The following ATOSA variants were observed in gnomAD, a reference collection of about 807,000 sequenced individuals.
The protein encoded by ATOSA is atos homolog A.
chr15:52,621,121 A>C, the ATOSA span, among the ~76,000 whole-genome samples: 1 of 152,208 alleles, frequency 6.6e-6, no homozygotes, highest in African/African-American at 2.4e-5. Context: ...GCATCAACCT[A>C]AATATTCAAC....
At chr15:52,633,106 G>A in the ATOSA span, among the ~76,000 whole-genome samples, 1 of 152,140 alleles carries the variant, frequency 6.6e-6, no homozygotes, top group Non-Finnish European at 1.5e-5. Flanking sequence ...GAGAAGGGAA[G>A]CTTTTCTCTT....
the ATOSA span, among the ~76,000 whole-genome samples, chr15:52,687,377 C>T: frequency 2.0e-5 from 3 of 152,220 alleles, no homozygotes; most frequent in Non-Finnish European, 4.4e-5. Context: ...TGCACTCCAG[C>T]CTGGGCGACA....
At chr15:52,611,212 C>G in the ATOSA span, 1 of 1,613,648 alleles carries the variant, frequency 6.2e-7, no homozygotes, top group Non-Finnish European at 8.5e-7. Context: ...AATGAGCGGA[C>G]AGCCAACAGA....
the ATOSA span, among the ~76,000 whole-genome samples, chr15:52,662,452 C>T: frequency 6.6e-6 from 1 of 152,102 alleles, no homozygotes; most frequent in Non-Finnish European, 1.5e-5. Flanking sequence ...CAGCTTACTA[C>T]TCTGACAAAA....
the ATOSA span, among the ~76,000 whole-genome samples, chr15:52,679,717 A>G: frequency 0.99 from 148,205 of 150,170 alleles, 73,150 homozygotes; most frequent in Middle Eastern, 1. Context: ...TGTCATCCAA[A>G]GGCCTGCCCC....
At chr15:52,672,731 A>C in the ATOSA span, among the ~76,000 whole-genome samples, 3 of 152,048 alleles carry the variant, frequency 2.0e-5, no homozygotes, top group Non-Finnish European at 4.4e-5. Context: ...TTTTTAAGTC[A>C]CTCTCCTTAT....
chr15:52,636,887 G>A, the ATOSA span, among the ~76,000 whole-genome samples: 1,756 of 152,252 alleles, frequency 0.012, 30 homozygotes, highest in African/African-American at 0.04. Flanking sequence ...GGGGTTTCCA[G>A]AAGTTTTACA....
chr15:52,687,519 C>A, the ATOSA span, among the ~76,000 whole-genome samples: 1 of 152,154 alleles, frequency 6.6e-6, no homozygotes. Context: ...AGGAGAGGGG[C>A]CTGCTAAGGA....
the ATOSA span, chr15:52,609,620 G>T: frequency 6.2e-7 from 1 of 1,612,764 alleles, no homozygotes; most frequent in East Asian, 2.2e-5. Flanking sequence ...CTAAACTCTG[G>T]ACTACCAAAA....
At chr15:52,708,906 G>C in the ATOSA span, among the ~76,000 whole-genome samples, 2 of 152,082 alleles carry the variant, frequency 1.3e-5, no homozygotes, top group Non-Finnish European at 2.9e-5. Flanking sequence ...GTAGGATGAA[G>C]TTTCTGACTT....
chr15:52,609,461 C>T, the ATOSA span: 857 of 1,613,512 alleles, frequency 5.3e-4, no homozygotes, highest in Middle Eastern at 1.2e-3. Flanking sequence ...CTTGCAATAA[C>T]ATCTTGCCGC....
the ATOSA span, chr15:52,611,530 ACTTGATTTAC>A: frequency 1.3e-4 from 199 of 1,579,024 alleles, no homozygotes; most frequent in South Asian, 4.5e-4. Flanking sequence ...GTAATGGAAA[ACTTGATTTAC>A]CAAGAACAAC....
the ATOSA span, chr15:52,600,301 C>T: frequency 1.0e-6 from 1 of 958,362 alleles, no homozygotes; most frequent in South Asian, 1.5e-5. Context: ...AATCTTGAGA[C>T]AGGGTCTCAC....
chr15:52,617,280 T>C, the ATOSA span, among the ~76,000 whole-genome samples: 9 of 152,182 alleles, frequency 5.9e-5, no homozygotes, highest in Non-Finnish European at 1.0e-4. Context: ...TCTTGCTTTT[T>C]TTCTCTTCAA....
At chr15:52,643,935 CA>C in the ATOSA span, among the ~76,000 whole-genome samples, 9 of 151,174 alleles carry the variant, frequency 6.0e-5, no homozygotes, top group South Asian at 2.1e-4. Flanking sequence ...CAAAAAAAAA[CA>C]AAAAAACCCT....
the ATOSA span, among the ~76,000 whole-genome samples, chr15:52,665,449 A>G: frequency 1.3e-5 from 2 of 152,224 alleles, no homozygotes; most frequent in African/African-American, 2.4e-5. Flanking sequence ...ATTTGGAATC[A>G]TTTGTGTGAG....
the ATOSA span, among the ~76,000 whole-genome samples, chr15:52,595,938 C>T: frequency 3.9e-5 from 6 of 151,912 alleles, no homozygotes; most frequent in African/African-American, 1.5e-4. Context: ...CAGCAGGGCC[C>T]TATTTCTACA....
the ATOSA span, chr15:52,601,005 G>C: frequency 1.2e-6 from 1 of 818,296 alleles, no homozygotes; most frequent in Non-Finnish European, 2.0e-6. Context: ...CTGATGTTTA[G>C]AATCAACATT....
chr15:52,676,708 C>CA, the ATOSA span, among the ~76,000 whole-genome samples: 1 of 152,150 alleles, frequency 6.6e-6, no homozygotes, highest in Non-Finnish European at 1.5e-5. Context: ...CGTAACTAAA[C>CA]ATTTTATTGT....
Sources: allele counts gnomAD v4.1 joint callset (sites outside exome capture counted in the v4.1 genomes callset), GRCh38; gene constraint gnomAD v4.1.1; transcripts MANE v1.5; gene names NCBI Gene and HGNC (gene_info 2026-07-23, HGNC 2026-07-21).